Variants in IPCEF1 observed in about 807,000 individuals in gnomAD.
IPCEF1 encodes the protein interactor protein for cytohesin exchange factors 1.
IPCEF1 carries 31 observed loss-of-function variants against 50.9 expected under a neutral mutation model. That is an observed-to-expected ratio of 0.61 (90% CI 0.46 to 0.82). The LOEUF is 0.82. Ranked by LOEUF, IPCEF1 falls within the 40% of genes least tolerant of loss-of-function variation. IPCEF1 has a pLI of 0.00. For synonymous variants in IPCEF1, 181 were observed against 192.0 expected, an observed-to-expected ratio of 0.94 and a Z score of 0.47; for missense variants, 458 against 514.0, an observed-to-expected ratio of 0.89 and a Z score of 1.05.
chr6:154,293,157 A>G (rs148389860), intron 1 of IPCEF1, among the ~76,000 whole-genome samples: 1 of 152,386 alleles, frequency 6.6e-6, no homozygotes, highest in East Asian at 1.9e-4. Flanking sequence ...GTCACAACTT[A>G]TAACATGAAT....
intron 1 of IPCEF1, among the ~76,000 whole-genome samples, chr6:154,356,249 A>G (rs1007455291): frequency 6.6e-6 from 1 of 152,202 alleles, no homozygotes; most frequent in African/African-American, 2.4e-5. Flanking sequence ...AAAGTGTAAA[A>G]TGTCCCCCAG....
intron 1 of IPCEF1, among the ~76,000 whole-genome samples, chr6:154,333,811 G>C (rs781516566): frequency 6.6e-6 from 1 of 151,650 alleles, no homozygotes; most frequent in Non-Finnish European, 1.5e-5. Context: ...ATATGTGTGT[G>C]TGTAAATATA....
chr6:154,221,242 G>A lies in IPCEF1; in HGVS notation c.392+15C>T, dbSNP rs1436887897. 1 of 1,608,792 alleles carries A rather than the reference G, an allele frequency of 6.2e-7. No individual in the cohort carries two copies. On this transcript the variant is annotated intron_variant, in intron 7 of 11. Transcript: ENST00000367220. ...TTCCCATTAAGGATGGGGTTTACCA[G>A]TTTCCTCTACTTACACGTTCATTTC...
chr6:154,174,393 A>G (rs1232023041), intron 10 of IPCEF1, among the ~76,000 whole-genome samples: 1 of 152,198 alleles, frequency 6.6e-6, no homozygotes, highest in Admixed American at 6.5e-5. Flanking sequence ...GGATAGAGTC[A>G]AGACCCATCA....
At chr6:154,163,341 C>T (rs908924866) in intron 11 of IPCEF1, among the ~76,000 whole-genome samples, 8 of 152,190 alleles carry the variant, frequency 5.3e-5, no homozygotes, top group East Asian at 1.9e-4. Flanking sequence ...CTGAAATATT[C>T]GGCCTCAGAG....
chr6:154,208,574 C>T (rs939585553), intron 9 of IPCEF1, among the ~76,000 whole-genome samples: 3 of 152,200 alleles, frequency 2.0e-5, no homozygotes, highest in Admixed American at 1.3e-4. Context: ...CCACTTTATT[C>T]ACTGATGTGT....
chr6:154,167,868 C>T (rs1438460907), intron 11 of IPCEF1, 52 bp downstream of exon 11: 5 of 1,352,826 alleles, frequency 3.7e-6, no homozygotes, highest in Non-Finnish European at 4.1e-6. Flanking sequence ...CAGAACCAGC[C>T]GTTCCTTGCC....
intron 3 of IPCEF1, 127 bp downstream of exon 3, chr6:154,265,785 T>C: frequency 1.5e-6 from 1 of 679,868 alleles, no homozygotes; most frequent in Admixed American, 2.7e-5. Flanking sequence ...ACAGTGTCTT[T>C]GGTTCTACTG....
At chr6:154,352,624 A>G (rs1784136708) in intron 1 of IPCEF1, among the ~76,000 whole-genome samples, 1 of 152,212 alleles carries the variant, frequency 6.6e-6, no homozygotes, top group African/African-American at 2.4e-5. Context: ...CCTTTCTAAG[A>G]CAAAGATTGA....
chr6:154,322,126 T>C (rs1051105632), intron 1 of IPCEF1, among the ~76,000 whole-genome samples: 2 of 152,052 alleles, frequency 1.3e-5, no homozygotes, highest in African/African-American at 2.4e-5. Context: ...CAAAAGTGCA[T>C]ACACCAAACT....
intron 5 of IPCEF1, among the ~76,000 whole-genome samples, chr6:154,225,359 T>A (rs1779170055): frequency 6.6e-6 from 1 of 152,140 alleles, no homozygotes; most frequent in African/African-American, 2.4e-5. Flanking sequence ...CATTAACAGA[T>A]AAATGGATAA....
intron 2 of IPCEF1, among the ~76,000 whole-genome samples, chr6:154,273,724 C>CTTTTTTTTTTTTTTTTT (rs71021036): frequency 1.6e-5 from 1 of 63,316 alleles, no homozygotes; most frequent in African/African-American, 5.6e-5. Context: ...TTCTTTCTTT[C>CTTTTTTTTTTTTTTTTT]TTTTTTTTTT....
intron 1 of IPCEF1, among the ~76,000 whole-genome samples, chr6:154,291,469 T>C (rs1003722983): frequency 3.3e-5 from 5 of 152,216 alleles, no homozygotes; most frequent in Middle Eastern, 3.4e-3. Context: ...TAGGAATAGG[T>C]AGCAATGAAC....
At chr6:154,164,511 T>C (rs1799270916) in intron 11 of IPCEF1, among the ~76,000 whole-genome samples, 1 of 152,186 alleles carries the variant, frequency 6.6e-6, no homozygotes, top group Non-Finnish European at 1.5e-5. Context: ...GGATGGCGCA[T>C]GAGGCTTTTG....
chr6:154,184,294 A>G (rs1466095449), intron 10 of IPCEF1, among the ~76,000 whole-genome samples: 1 of 152,110 alleles, frequency 6.6e-6, no homozygotes, highest in Non-Finnish European at 1.5e-5. Context: ...CTGTAATAAT[A>G]AAAAATTGGA....
At chr6:154,295,871 A>ACACACACACACGTGCACACG (rs1469916324) in intron 1 of IPCEF1, among the ~76,000 whole-genome samples, 1 of 137,762 alleles carries the variant, frequency 7.3e-6, no homozygotes, top group Admixed American at 7.3e-5. Flanking sequence ...GCACACGCAC[A>ACACACACACACGTGCACACG]CACACACACA....
intron 10 of IPCEF1, among the ~76,000 whole-genome samples, chr6:154,184,211 T>C (rs1237659428): frequency 1.3e-5 from 2 of 151,964 alleles, no homozygotes; most frequent in Non-Finnish European, 2.9e-5. Flanking sequence ...AAAAAATAGC[T>C]GTATCAGCTA....
intron 8 of IPCEF1, 110 bp downstream of exon 8, chr6:154,214,108 A>G (rs1778189837): frequency 1.3e-6 from 1 of 752,916 alleles, no homozygotes; most frequent in Non-Finnish European, 2.4e-6. Flanking sequence ...ATGCCAAAGC[A>G]TGTTTCCTCA....
At chr6:154,301,287 C>G (rs1308156059) in intron 1 of IPCEF1, among the ~76,000 whole-genome samples, 2 of 152,178 alleles carry the variant, frequency 1.3e-5, no homozygotes, top group Non-Finnish European at 2.9e-5. Context: ...GACCAGCATT[C>G]TTACGTGGAT....
Sources: gnomAD v4.1 joint callset for allele counts (sites outside exome capture counted in the v4.1 genomes callset) on GRCh38, gnomAD v4.1.1 for gene constraint, MANE v1.5 for transcripts, NCBI Gene and HGNC (gene_info 2026-07-23, HGNC 2026-07-21) for gene names.